The following VPS8 variants were observed in gnomAD, a reference collection of about 807,000 sequenced individuals.
The protein encoded by VPS8 is vacuolar protein sorting-associated protein 8 homolog.
In VPS8, 129 loss-of-function variants were observed where a neutral mutation model predicts 216.4. That is an observed-to-expected ratio of 0.60 (90% CI 0.52 to 0.69). VPS8 has a LOEUF of 0.69. Ranked by LOEUF, VPS8 falls within the 30% of genes least tolerant of loss-of-function variation. The pLI is 0.00. For synonymous variants in VPS8, 571 were observed against 565.4 expected (o/e 1.01, Z -0.14); for missense variants, 1,531 against 1,683.5 (o/e 0.91, Z 1.59).
rs569635082 is a variant in VPS8 at position 184,832,399 on chromosome 3, G to A, written c.223-290G>A. 9.2e-5 allele frequency among the ~76,000 whole-genome samples: 14 copies of A among 152,232 alleles called. 1 individual carries two copies. In the South Asian group the frequency reaches 2.9e-3, roughly 32 times the overall value. ...GTTAACTGCTAAATCATCTGTAAAAGCTTGATTTTTAAGAAATATTCTACA... is the reference window on the plus strand; with the variant it reads ...GTTAACTGCTAAATCATCTGTAAAAACTTGATTTTTAAGAAATATTCTACA... On this transcript the variant is annotated intron_variant, in intron 3 of 47. Coordinates refer to ENST00000625842, the MANE Select transcript of VPS8 (RefSeq NM_001009921.3).
At chr3:184,920,042 A>G in intron 28 of VPS8, 85 bp from the exon 29 acceptor site, 2 of 1,001,718 alleles carry the variant, frequency 2.0e-6, no homozygotes, top group Non-Finnish European at 2.9e-6. Flanking sequence ...AATTACTTGG[A>G]TTTTATTAAC....
intron 45 of VPS8, among the ~76,000 whole-genome samples, chr3:185,020,671 A>G (rs1283628088): frequency 2.0e-5 from 3 of 152,254 alleles, no homozygotes; most frequent in Non-Finnish European, 4.4e-5. Context: ...GGGTTTCGCC[A>G]TGTTACCCAG....
chr3:184,910,050 G>C (rs1736193568), intron 25 of VPS8, among the ~76,000 whole-genome samples: 1 of 151,614 alleles, frequency 6.6e-6, no homozygotes, highest in Non-Finnish European at 1.5e-5. Context: ...ACACGCATGG[G>C]TCAGGGGTCA....
chr3:184,926,799 T>C, intron 31 of VPS8, 149 bp downstream of exon 31: 1 of 726,500 alleles, frequency 1.4e-6, no homozygotes, highest in South Asian at 2.0e-5. Context: ...AACCAGAAAA[T>C]AGAGTGGATG....
At chr3:184,981,679 G>GC (rs1425831223) in intron 40 of VPS8, among the ~76,000 whole-genome samples, 1 of 151,958 alleles carries the variant, frequency 6.6e-6, no homozygotes, top group Non-Finnish European at 1.5e-5. Flanking sequence ...CAGGTGGTCT[G>GC]CCCGCCTCGG....
At chr3:185,002,966 G>C (rs1411576462) in intron 45 of VPS8, among the ~76,000 whole-genome samples, 1 of 152,086 alleles carries the variant, frequency 6.6e-6, no homozygotes, top group African/African-American at 2.4e-5. Flanking sequence ...TAGATACCAA[G>C]TAATGGAATT....
intron 25 of VPS8, among the ~76,000 whole-genome samples, chr3:184,907,084 CT>C (rs1735637802): frequency 6.6e-6 from 1 of 152,124 alleles, no homozygotes. Flanking sequence ...GGGCAGCTTG[CT>C]TTTATACATT....
chr3:184,858,577 G>T (rs972663983), intron 14 of VPS8, among the ~76,000 whole-genome samples: 1 of 152,190 alleles, frequency 6.6e-6, no homozygotes, highest in African/African-American at 2.4e-5. Flanking sequence ...ATGGTGGATC[G>T]AATTGCTCTC....
chr3:184,835,587 T>C (rs1057026200), intron 5 of VPS8, among the ~76,000 whole-genome samples: 2 of 152,182 alleles, frequency 1.3e-5, no homozygotes, highest in African/African-American at 4.8e-5. Context: ...ACAGATTCTG[T>C]ATATAATGAT....
chr3:184,866,968 G>A lies in VPS8; in HGVS notation c.1470+18G>A. The A allele has an allele frequency of 6.2e-7, 1 of 1,609,652 alleles. No individual in the cohort carries two copies. The highest frequency in any genetic ancestry group is 8.5e-7 in the Non-Finnish European group (1 of 1,177,766). On this transcript the variant is annotated intron_variant, in intron 17 of 47. Transcript: ENST00000625842. ...GGACAAAAGTAAGCTCTTTTACTCT[G>A]TGAGTTGGTATTTGTATGTATCAGG... is the stretch of plus-strand genomic sequence containing the variant.
intron 45 of VPS8, among the ~76,000 whole-genome samples, chr3:185,022,004 T>C (rs1483868340): frequency 6.6e-6 from 1 of 152,144 alleles, no homozygotes; most frequent in Non-Finnish European, 1.5e-5. Context: ...CCCACACAAA[T>C]CTCATCTTGA....
Position 185,048,707 on chromosome 3 carries a change from C to G in VPS8, c.4137+148C>G, listed in dbSNP as rs908552306. 4.3e-5 allele frequency: 35 copies of G among 815,612 alleles called. No individual in the cohort carries two copies. The African/African-American group carries it at 5.9e-4, about 14-fold the overall frequency. 50.5% of individuals were successfully genotyped at this position (815,612 alleles called of 1,614,324 possible). A position where few individuals can be genotyped will look rare whatever the true frequency, so the allele number is the denominator to read the frequency against. On this transcript the variant is annotated intron_variant, in intron 47 of 47. Transcript: ENST00000625842. ...GTTATGGCTACATGGACAACAGACC[C>G]TGGCCCCAAGGAGCACTCAGAGCTT... is the stretch of plus-strand genomic sequence containing the variant.
intron 38 of VPS8, among the ~76,000 whole-genome samples, 176 bp from the exon 39 acceptor site, chr3:184,966,495 C>A (rs1747430209): frequency 6.6e-6 from 1 of 152,186 alleles, no homozygotes; most frequent in Non-Finnish European, 1.5e-5. Flanking sequence ...CCTTTTCATA[C>A]TGCTAGCTGT....
chr3:184,976,229 T>G (rs1261731605), intron 40 of VPS8, among the ~76,000 whole-genome samples: 2 of 152,202 alleles, frequency 1.3e-5, no homozygotes, highest in Non-Finnish European at 2.9e-5. Flanking sequence ...GTGTTTTACC[T>G]AATGAAGGTT....
chr3:184,965,876 T>G (rs886787501), intron 38 of VPS8, among the ~76,000 whole-genome samples: 1 of 152,160 alleles, frequency 6.6e-6, no homozygotes, highest in Non-Finnish European at 1.5e-5. Flanking sequence ...TGAGAAGTTA[T>G]TGATCATTTG....
intron 25 of VPS8, chr3:184,901,394 G>A (rs181249811): frequency 6.7e-4 from 105 of 155,874 alleles, no homozygotes; most frequent in Non-Finnish European, 1.3e-3. Context: ...TATACCATAA[G>A]CTGTTTAATC....
At chr3:184,836,264 T>C in intron 5 of VPS8, 1 of 456,750 alleles carries the variant, frequency 2.2e-6, no homozygotes, top group South Asian at 1.5e-5. Context: ...GTAACTCATA[T>C]TTGCTAGAAT....
At chr3:184,884,021 T>C (rs1053381753) in intron 21 of VPS8, among the ~76,000 whole-genome samples, 23 of 152,166 alleles carry the variant, frequency 1.5e-4, no homozygotes, top group Non-Finnish European at 2.4e-4. Context: ...GGGTGATCTC[T>C]GGGGAGTTTT....
intron 3 of VPS8, among the ~76,000 whole-genome samples, chr3:184,832,347 T>C (rs926610459): frequency 6.6e-6 from 1 of 152,208 alleles, no homozygotes; most frequent in Non-Finnish European, 1.5e-5. Flanking sequence ...TGGTGTTTGT[T>C]TTCTTCAAAT....
Sources: gnomAD v4.1 joint callset for allele counts (sites outside exome capture counted in the v4.1 genomes callset) on GRCh38, gnomAD v4.1.1 for gene constraint, MANE v1.5 for transcripts, NCBI Gene and HGNC (gene_info 2026-07-23, HGNC 2026-07-21) for gene names.